Variants in ASIC2 observed in about 807,000 individuals in gnomAD.
The protein encoded by ASIC2 is acid-sensing ion channel 2.
In ASIC2, 25 loss-of-function variants were observed where a neutral mutation model predicts 57.3. The observed-to-expected ratio is 0.44, with a 90% CI of 0.32 to 0.61. The LOEUF is 0.61. Ranked by LOEUF, ASIC2 falls within the 20% of genes least tolerant of loss-of-function variation. ASIC2 has a pLI of 0.06. For synonymous variants in ASIC2, 319 were observed against 307.5 expected (o/e 1.04, Z -0.39); for missense variants, 641 against 738.1 (o/e 0.87, Z 1.52).
At chr17:33,290,163 T>C (rs987576079) in intron 1 of ASIC2, among the ~76,000 whole-genome samples, 27 of 152,238 alleles carry the variant, frequency 1.8e-4, no homozygotes, top group African/African-American at 5.3e-4. Context: ...CAGGACAAGA[T>C]TGAAGCCAGG....
intron 1 of ASIC2, among the ~76,000 whole-genome samples, chr17:33,497,813 A>C (rs1160597345): frequency 2.0e-5 from 3 of 152,242 alleles, no homozygotes; most frequent in Non-Finnish European, 4.4e-5. Flanking sequence ...CCACACAGCT[A>C]GTCAGAGAAA....
intron 1 of ASIC2, among the ~76,000 whole-genome samples, chr17:33,644,594 T>G (rs545955929): frequency 1.1e-4 from 17 of 152,362 alleles, no homozygotes; most frequent in African/African-American, 4.1e-4. Flanking sequence ...ATTACATGAA[T>G]TAACCCTCAA....
In ASIC2 at chr17:33,548,724, T is replaced by C. The variant is rs1159652721; in HGVS notation, c.556-436657A>G. ...CAGACACTCAACTGTTTTTCCAAGA[T>C]TCCCCACCTTGCCCATTCCACTCTA... On this transcript the variant is annotated intron_variant, in intron 1 of 9. Coordinates refer to the ASIC2 transcript ENST00000359872. Among the ~76,000 whole-genome samples the C allele has an allele frequency of 2.0e-5, 3 of 152,158 alleles. No individual in the cohort carries two copies. In the East Asian group the frequency reaches 5.8e-4, roughly 29 times the overall value.
At chr17:34,068,120 G>T (rs1476079390) in intron 1 of ASIC2, among the ~76,000 whole-genome samples, 1 of 152,188 alleles carries the variant, frequency 6.6e-6, no homozygotes, top group Non-Finnish European at 1.5e-5. Context: ...TGTTCTGAGT[G>T]AACTCTAGCC....
At chr17:33,280,263 T>G (rs931498133) in intron 1 of ASIC2, among the ~76,000 whole-genome samples, 1 of 152,200 alleles carries the variant, frequency 6.6e-6, no homozygotes, top group Non-Finnish European at 1.5e-5. Context: ...AATGCAGTCA[T>G]GTTTCCCCGG....
chr17:33,237,352 G>GTT (rs61364467), intron 1 of ASIC2, among the ~76,000 whole-genome samples: 25 of 143,352 alleles, frequency 1.7e-4, no homozygotes, highest in East Asian at 4.0e-4. Flanking sequence ...CCACTTAGTA[G>GTT]TTTTTTTTTT....
chr17:33,178,984 G>C (rs1437111265), intron 1 of ASIC2, among the ~76,000 whole-genome samples: 1 of 152,208 alleles, frequency 6.6e-6, no homozygotes, highest in African/African-American at 2.4e-5. Context: ...ACACTGGCCA[G>C]AATTCCAAGT....
At chr17:33,742,915 T>C (rs1910152477) in intron 1 of ASIC2, among the ~76,000 whole-genome samples, 1 of 152,240 alleles carries the variant, frequency 6.6e-6, no homozygotes, top group Non-Finnish European at 1.5e-5. Context: ...GTACTGATGC[T>C]GATTCCCCAG....
At chr17:33,610,698 T>G (rs1905376440) in intron 1 of ASIC2, among the ~76,000 whole-genome samples, 1 of 150,504 alleles carries the variant, frequency 6.6e-6, no homozygotes, top group African/African-American at 2.5e-5. Flanking sequence ...ACCCCCAGAT[T>G]CTGCAATAAA....
chr17:33,561,178 T>C (rs566986685), intron 1 of ASIC2, among the ~76,000 whole-genome samples: 11 of 152,258 alleles, frequency 7.2e-5, no homozygotes, highest in African/African-American at 2.6e-4. Flanking sequence ...TCTTTCCACT[T>C]CCCCACTCAT....
intron 1 of ASIC2, among the ~76,000 whole-genome samples, chr17:33,282,267 G>A (rs1904981383): frequency 6.6e-6 from 1 of 152,138 alleles, no homozygotes; most frequent in South Asian, 2.1e-4. Context: ...TCTGAAATGA[G>A]TCTTACCAGC....
At chr17:33,975,124 T>G (rs1053618011) in intron 1 of ASIC2, among the ~76,000 whole-genome samples, 2 of 152,242 alleles carry the variant, frequency 1.3e-5, no homozygotes, top group Non-Finnish European at 2.9e-5. Context: ...AATGAATGAA[T>G]GTATGAAATC....
intron 1 of ASIC2, among the ~76,000 whole-genome samples, chr17:33,672,143 T>C (rs1907657263): frequency 6.6e-6 from 1 of 152,186 alleles, no homozygotes; most frequent in Admixed American, 6.5e-5. Flanking sequence ...TCTTATACCT[T>C]GTCCCAAAAG....
intron 1 of ASIC2, among the ~76,000 whole-genome samples, chr17:34,047,387 C>G (rs1183758407): frequency 6.6e-6 from 1 of 151,638 alleles, no homozygotes; most frequent in African/African-American, 2.4e-5. Context: ...GTCCCAAAAC[C>G]CCCTTTCATA....
At chr17:33,421,815 C>T (rs1911055103) in intron 1 of ASIC2, among the ~76,000 whole-genome samples, 1 of 152,174 alleles carries the variant, frequency 6.6e-6, no homozygotes, top group Non-Finnish European at 1.5e-5. Flanking sequence ...GTCCAGGTTC[C>T]TTTGCACGGT....
intron 1 of ASIC2, among the ~76,000 whole-genome samples, chr17:33,288,019 G>A (rs1905264424): frequency 6.6e-6 from 1 of 152,190 alleles, no homozygotes; most frequent in African/African-American, 2.4e-5. Context: ...ACCTGATGGA[G>A]GTATGCATTC....
intron 1 of ASIC2, among the ~76,000 whole-genome samples, chr17:33,813,695 C>G (rs1912494240): frequency 6.6e-6 from 1 of 152,238 alleles, no homozygotes; most frequent in Non-Finnish European, 1.5e-5. Flanking sequence ...CTGGGCCTCC[C>G]AAAGTCCTGG....
chr17:34,096,038 G>A (rs1309663202), intron 1 of ASIC2, among the ~76,000 whole-genome samples: 7 of 152,216 alleles, frequency 4.6e-5, no homozygotes, highest in South Asian at 2.1e-4. Flanking sequence ...AATTCTAACC[G>A]TAGCTTTCTG....
intron 1 of ASIC2, among the ~76,000 whole-genome samples, chr17:33,258,385 G>A (rs1909154148): frequency 6.6e-6 from 1 of 152,172 alleles, no homozygotes; most frequent in African/African-American, 2.4e-5. Context: ...CCATGCTGTG[G>A]AGCAAAATAA....
Sources: gnomAD v4.1 joint callset for allele counts (sites outside exome capture counted in the v4.1 genomes callset) on GRCh38, gnomAD v4.1.1 for gene constraint, MANE v1.5 for transcripts, NCBI Gene and HGNC (gene_info 2026-07-23, HGNC 2026-07-21) for gene names.